CACNA2D1: variants seen among roughly 807,000 people sequenced by gnomAD.
The protein encoded by CACNA2D1 is voltage-dependent calcium channel subunit alpha-2/delta-1.
CACNA2D1 carries 53 observed loss-of-function variants against 171.5 expected under a neutral mutation model. The ratio of observed to expected loss-of-function variants is 0.31; its 90% CI spans 0.25 to 0.39. The LOEUF is 0.39. CACNA2D1 is among the 10% of genes least tolerant of loss of function. The probability of loss-of-function intolerance (pLI) is 1.00; values close to 1 mark genes in which losing one functional copy is unlikely to be tolerated. For missense variants in CACNA2D1, 903 were observed against 1,299.8 expected, an observed-to-expected ratio of 0.69 and a Z score of 4.69; for synonymous variants, 442 against 443.1, an observed-to-expected ratio of 1.00 and a Z score of 0.03.
chr7:82,185,515 GAGGGGGA>G (rs1319470767), intron 3 of CACNA2D1, among the ~76,000 whole-genome samples: 9 of 38,984 alleles, frequency 2.3e-4, no homozygotes, highest in Non-Finnish European at 4.3e-4. Context: ...GGAGGGGGAG[GAGGGGGA>G]GGAGGAGGAG....
chr7:82,135,944 T>G (rs995733627), intron 5 of CACNA2D1, among the ~76,000 whole-genome samples: 1 of 152,006 alleles, frequency 6.6e-6, no homozygotes, highest in African/African-American at 2.4e-5. Flanking sequence ...GATCTAAGAG[T>G]CAAATACAAG....
intron 2 of CACNA2D1, among the ~76,000 whole-genome samples, chr7:82,345,681 A>T (rs1043758632): frequency 1.4e-5 from 2 of 146,350 alleles, no homozygotes; most frequent in Non-Finnish European, 3.0e-5. Context: ...TAGCTAAAGG[A>T]GTGTGTGTGT....
chr7:82,009,168 T>C (rs1799462148), intron 15 of CACNA2D1: 2 of 152,008 alleles, frequency 1.3e-5, no homozygotes, highest in African/African-American at 4.8e-5. Context: ...GCTTTCCCCT[T>C]CGCTCAACAC....
intron 12 of CACNA2D1, among the ~76,000 whole-genome samples, chr7:82,017,319 C>T (rs1320851683): frequency 2.0e-5 from 3 of 152,074 alleles, no homozygotes; most frequent in East Asian, 3.8e-4. Flanking sequence ...CATTCCCTAG[C>T]GCCATACCAT....
At chr7:82,267,890 G>A (rs1011973833) in intron 3 of CACNA2D1, among the ~76,000 whole-genome samples, 8 of 151,998 alleles carry the variant, frequency 5.3e-5, no homozygotes, top group South Asian at 2.1e-4. Context: ...TCAGCTACTC[G>A]GGAGCCTGAG....
intron 3 of CACNA2D1, among the ~76,000 whole-genome samples, chr7:82,234,485 G>T (rs1349892992): frequency 6.6e-6 from 1 of 151,980 alleles, no homozygotes; most frequent in Non-Finnish European, 1.5e-5. Flanking sequence ...TTGGATGTTT[G>T]ACTTTATGTT....
At chr7:82,334,988 C>A in intron 3 of CACNA2D1, 147 bp downstream of exon 3, 3 of 601,396 alleles carry the variant, frequency 5.0e-6, no homozygotes, top group South Asian at 4.6e-5. Context: ...GCATTTAAAC[C>A]ATGATATCTC....
In CACNA2D1 at chr7:81,964,368, G is replaced by T. The variant is rs183290212; in HGVS notation, c.2575-9C>A. Reference sequence around the variant, plus strand: ...CCAAAAAATCTTCCAATCTGGTGAAGAAAAAAATCATAAAGCAACGTGCAC... The same window carrying T: ...CCAAAAAATCTTCCAATCTGGTGAATAAAAAAATCATAAAGCAACGTGCAC... On this transcript the variant is annotated splice_polypyrimidine_tract_variant and intron_variant, in intron 32 of 38. Transcript: ENST00000356860. 3 of 1,609,940 alleles carry T rather than the reference G, an allele frequency of 1.9e-6. No homozygotes were observed. The East Asian group carries it at 6.7e-5, about 36-fold the overall frequency.
chr7:82,415,393 G>A (rs1368081835), intron 1 of CACNA2D1, among the ~76,000 whole-genome samples: 1 of 152,072 alleles, frequency 6.6e-6, no homozygotes, highest in African/African-American at 2.4e-5. Flanking sequence ...AATTAGCTGG[G>A]CATGGTGGTG....
intron 24 of CACNA2D1, among the ~76,000 whole-genome samples, chr7:81,978,745 T>A (rs971115818): frequency 1.6e-4 from 10 of 63,704 alleles, no homozygotes; most frequent in Non-Finnish European, 2.6e-4. Context: ...AAATTTTTTT[T>A]AAAAAGTGTA....
At chr7:82,070,236 A>T (rs1365968494) in intron 7 of CACNA2D1, among the ~76,000 whole-genome samples, 2 of 152,192 alleles carry the variant, frequency 1.3e-5, no homozygotes, top group Non-Finnish European at 2.9e-5. Flanking sequence ...ACCCACACAA[A>T]GGTGCCAAAA....
intron 3 of CACNA2D1, among the ~76,000 whole-genome samples, chr7:82,196,195 G>C (rs1859542): frequency 0.17 from 25,561 of 151,928 alleles, 3,703 homozygotes; most frequent in African/African-American, 0.39. Context: ...GAACCATTTT[G>C]CAAGTCCATA....
intron 3 of CACNA2D1, among the ~76,000 whole-genome samples, chr7:82,304,916 C>A (rs531155647): frequency 1.3e-5 from 2 of 152,226 alleles, no homozygotes; most frequent in East Asian, 1.9e-4. Flanking sequence ...GCGACAGACA[C>A]CCTAAATACC....
chr7:82,123,169 A>G (rs1789944986), intron 5 of CACNA2D1, among the ~76,000 whole-genome samples: 1 of 152,180 alleles, frequency 6.6e-6, no homozygotes, highest in Admixed American at 6.5e-5. Flanking sequence ...CCCCAAAAAC[A>G]TAAGGCAGAA....
chr7:82,337,794 C>T (rs1381305965), intron 2 of CACNA2D1, among the ~76,000 whole-genome samples: 1 of 152,120 alleles, frequency 6.6e-6, no homozygotes, highest in Non-Finnish European at 1.5e-5. Context: ...GGATACTTTT[C>T]CTCCTGATAC....
At chr7:81,957,093 T>TTGAAAGAGTGCATTA (rs1411901002) in intron 38 of CACNA2D1, among the ~76,000 whole-genome samples, 1 of 152,128 alleles carries the variant, frequency 6.6e-6, no homozygotes, top group Non-Finnish European at 1.5e-5. Flanking sequence ...CTGAAAGGAA[T>TTGAAAGAGTGCATTA]TGAAAGAGTG....
intron 1 of CACNA2D1, among the ~76,000 whole-genome samples, chr7:82,384,584 C>T (rs1176871877): frequency 6.7e-6 from 1 of 149,452 alleles, no homozygotes; most frequent in African/African-American, 2.5e-5. Flanking sequence ...AAAAAAAAAT[C>T]ACTGGTAAAG....
chr7:82,442,691 T>C (rs1208167491), intron 1 of CACNA2D1, among the ~76,000 whole-genome samples: 1 of 152,158 alleles, frequency 6.6e-6, no homozygotes, highest in African/African-American at 2.4e-5. Context: ...CTCTATTCAT[T>C]TGAAGAACAG....
At chr7:82,106,286 AT>A (rs1035025083) in intron 6 of CACNA2D1, among the ~76,000 whole-genome samples, 2 of 150,954 alleles carry the variant, frequency 1.3e-5, no homozygotes, top group African/African-American at 2.4e-5. Context: ...CCAGACCCCC[AT>A]TTTTTTTTCC....
Sources: allele counts gnomAD v4.1 joint callset (sites outside exome capture counted in the v4.1 genomes callset), GRCh38; gene constraint gnomAD v4.1.1; transcripts MANE v1.5; gene names NCBI Gene and HGNC (gene_info 2026-07-23, HGNC 2026-07-21).